Variants in FAM174B observed in about 807,000 individuals in gnomAD.
The protein encoded by FAM174B is membrane protein FAM174B.
Under a neutral mutation model 10.9 loss-of-function variants are expected in FAM174B, and 12 were observed. The observed-to-expected ratio is 1.10, with a 90% CI of 0.71 to 1.79. The LOEUF is 1.79. Ranked by LOEUF, FAM174B falls within the 40% of genes most tolerant of loss-of-function variation. The probability of loss-of-function intolerance (pLI) is 0.00; values close to 1 mark genes in which losing one functional copy is unlikely to be tolerated. For synonymous variants in FAM174B, 132 were observed against 115.8 expected (o/e 1.14, Z -0.90); for missense variants, 266 against 233.3 (o/e 1.14, Z -0.91).
intron 2 of FAM174B, among the ~76,000 whole-genome samples, chr15:92,624,959 G>C (rs2050743984): frequency 6.6e-6 from 1 of 152,118 alleles, no homozygotes; most frequent in Admixed American, 6.5e-5. Context: ...GGAATGCAAA[G>C]AGGCCCAGAG....
intron 1 of FAM174B, among the ~76,000 whole-genome samples, chr15:92,648,853 T>G (rs947727213): frequency 6.6e-6 from 1 of 152,240 alleles, no homozygotes; most frequent in Non-Finnish European, 1.5e-5. Flanking sequence ...TCCTGGCAGA[T>G]TGCCCTTAGA....
At chr15:92,634,827 T>C (rs2050842652) in intron 1 of FAM174B, among the ~76,000 whole-genome samples, 2 of 152,134 alleles carry the variant, frequency 1.3e-5, no homozygotes, top group African/African-American at 4.8e-5. Flanking sequence ...GCCCCATCCA[T>C]GCAGTTGAAG....
At chr15:92,643,690 C>T (rs987874094) in intron 1 of FAM174B, among the ~76,000 whole-genome samples, 2 of 152,158 alleles carry the variant, frequency 1.3e-5, no homozygotes, top group Non-Finnish European at 2.9e-5. Context: ...CTCCATGTGG[C>T]TTTGCCCGGC....
chr15:92,639,798 C>A (rs905725721), intron 1 of FAM174B, among the ~76,000 whole-genome samples: 1 of 152,154 alleles, frequency 6.6e-6, no homozygotes, highest in Non-Finnish European at 1.5e-5. Context: ...CATGTGAGTG[C>A]CTGCTCCCCT....
chr15:92,634,386 C>T (rs1219537675), intron 1 of FAM174B: 3 of 152,356 alleles, frequency 2.0e-5, no homozygotes, highest in African/African-American at 7.2e-5. Context: ...GAGAAAGCTC[C>T]GGAGGCTCTG....
intron 2 of FAM174B, among the ~76,000 whole-genome samples, chr15:92,628,790 T>G (rs146806950): frequency 6.6e-6 from 1 of 152,224 alleles, no homozygotes; most frequent in East Asian, 1.9e-4. Context: ...TCTCCAGACA[T>G]GAGTATAAAT....
At chr15:92,631,179 TTATATTA>T (rs1433523045) in intron 1 of FAM174B, among the ~76,000 whole-genome samples, 1 of 27,862 alleles carries the variant, frequency 3.6e-5, no homozygotes, top group African/African-American at 9.9e-5. Context: ...AATTTATATA[TTATATTA>T]TATATTATAT....
intron 2 of FAM174B, among the ~76,000 whole-genome samples, chr15:92,626,101 G>C (rs1159243103): frequency 6.9e-6 from 1 of 144,434 alleles, no homozygotes; most frequent in African/African-American, 2.6e-5. Flanking sequence ...TAAAAGTTTA[G>C]CAAGGTTGCT....
At chr15:92,620,814 CAAAAAA>C (rs34607670) in intron 2 of FAM174B, among the ~76,000 whole-genome samples, 5 of 71,388 alleles carry the variant, frequency 7.0e-5, no homozygotes, top group African/African-American at 2.9e-4. Context: ...GACTCTGTCT[CAAAAAA>C]AAAAAAAAAA....
chr15:92,633,507 C>T (rs1487215832), intron 1 of FAM174B, among the ~76,000 whole-genome samples: 2 of 152,032 alleles, frequency 1.3e-5, no homozygotes, highest in Admixed American at 1.3e-4. Context: ...CTGATGATAC[C>T]CAAGCCTTAT....
intron 1 of FAM174B, among the ~76,000 whole-genome samples, chr15:92,641,479 T>C (rs2050891367): frequency 2.0e-5 from 3 of 152,296 alleles, no homozygotes; most frequent in Admixed American, 2.0e-4. Context: ...AGCACCTATA[T>C]AAATGAATGA....
At chr15:92,624,860 G>A (rs961768751) in intron 2 of FAM174B, among the ~76,000 whole-genome samples, 7 of 152,274 alleles carry the variant, frequency 4.6e-5, no homozygotes, top group South Asian at 2.1e-4. Context: ...CTGCCGGGCC[G>A]CCTGCCACAC....
chr15:92,620,681 G>A (rs1241172824), intron 2 of FAM174B, among the ~76,000 whole-genome samples: 3 of 151,850 alleles, frequency 2.0e-5, no homozygotes, highest in Non-Finnish European at 4.4e-5. Context: ...CAGGTGTGGT[G>A]CTGCACGTCT....
chr15:92,633,565 C>T (rs1010723464), intron 1 of FAM174B, among the ~76,000 whole-genome samples: 1 of 152,020 alleles, frequency 6.6e-6, no homozygotes, highest in East Asian at 1.9e-4. Flanking sequence ...TACACACACA[C>T]GCACACACAC....
intron 2 of FAM174B, among the ~76,000 whole-genome samples, chr15:92,620,303 C>A (rs2050710922): frequency 6.6e-6 from 1 of 152,138 alleles, no homozygotes; most frequent in Non-Finnish European, 1.5e-5. Flanking sequence ...TCGCGACCAT[C>A]CTGGCTAACA....
chr15:92,639,687 G>A (rs1193095790), intron 1 of FAM174B, among the ~76,000 whole-genome samples: 2 of 152,118 alleles, frequency 1.3e-5, no homozygotes, highest in Admixed American at 6.6e-5. Context: ...TCCTCTTCGC[G>A]CTGTTCTTAT....
chr15:92,630,103 G>C (rs1397672494), intron 2 of FAM174B, 111 bp downstream of exon 2: 6 of 1,088,018 alleles, frequency 5.5e-6, no homozygotes, highest in African/African-American at 1.6e-5. Flanking sequence ...AACACCCCAG[G>C]ACCCAACACT....
intron 1 of FAM174B, among the ~76,000 whole-genome samples, chr15:92,635,210 TG>T (rs111412388): frequency 5.3e-4 from 80 of 151,608 alleles, no homozygotes; most frequent in African/African-American, 1.8e-3. Flanking sequence ...CTATTGATTC[TG>T]TTTCCCTGAA....
At chr15:92,644,542 G>A (rs572041752) in intron 1 of FAM174B, among the ~76,000 whole-genome samples, 3 of 152,194 alleles carry the variant, frequency 2.0e-5, no homozygotes, top group African/African-American at 7.2e-5. Flanking sequence ...GACCCTGGAT[G>A]CACCCTCGCC....
Sources: gnomAD v4.1 joint callset for allele counts (sites outside exome capture counted in the v4.1 genomes callset) on GRCh38, gnomAD v4.1.1 for gene constraint, MANE v1.5 for transcripts, NCBI Gene and HGNC (gene_info 2026-07-23, HGNC 2026-07-21) for gene names.